The following CD3E variants were observed in gnomAD, a reference collection of about 807,000 sequenced individuals.
CD3E encodes CD3 epsilon subunit of T-cell receptor complex, also known as T-cell surface glycoprotein CD3 epsilon chain.
In CD3E, 16 loss-of-function variants were observed where a neutral mutation model predicts 34.7. The observed-to-expected ratio is 0.46, with a 90% CI of 0.31 to 0.70. The LOEUF (loss-of-function observed/expected upper bound fraction) is 0.70, where lower values mean the gene tolerates loss of function less well. Among genes scored for constraint, CD3E ranks in the 30% least tolerant of loss-of-function variants. The probability of loss-of-function intolerance (pLI) is 0.05; values close to 1 mark genes in which losing one functional copy is unlikely to be tolerated. For missense variants in CD3E, 223 were observed against 253.9 expected, an observed-to-expected ratio of 0.88 and a Z score of 0.83; for synonymous variants, 70 against 90.8, an observed-to-expected ratio of 0.77 and a Z score of 1.30.
rs1014013421 is a variant in CD3E, at chr11:118,314,959, A to G, written c.567+465A>G. On this transcript the variant is annotated intron_variant, in intron 8 of 8. Transcript: ENST00000361763. ...CCCCAACCCACCCTTACACACACAC[A>G]TACACACACACACACACACACACAC... Among the ~76,000 whole-genome samples the G allele has an allele frequency of 7.0e-5, 6 of 85,974 alleles. No individual in the cohort carries two copies. The East Asian group carries it at 2.1e-3, about 31-fold the overall frequency. 56.4% of individuals were successfully genotyped at this position (85,974 alleles called of 152,430 possible).
chr11:118,315,069 C>T (rs1342873470), intron 8 of CD3E, among the ~76,000 whole-genome samples: 1 of 151,858 alleles, frequency 6.6e-6, no homozygotes, highest in Non-Finnish European at 1.5e-5. Context: ...GAGTTAATGC[C>T]TGGCATGGCA....
intron 2 of CD3E, among the ~76,000 whole-genome samples, chr11:118,305,799 A>G (rs1022885734): frequency 1.3e-5 from 2 of 152,230 alleles, no homozygotes; most frequent in African/African-American, 4.8e-5. Flanking sequence ...CTGTGAGACC[A>G]GGACTGTTTG....
rs1270760065 is a variant in CD3E at position 118,313,449 on chromosome 11, A to G, written c.353-258A>G. On this transcript the variant is annotated intron_variant, in intron 6 of 8. Transcript: ENST00000361763. ...AACAGAGGGTTTGTGAGTTGAAAAC[A>G]CATTTCACGCTTCTCACAGCTAGTG... 4 of 511,350 alleles carry G rather than the reference A, an allele frequency of 7.8e-6. No homozygotes were observed. The Admixed American group carries it at 9.5e-5, about 12-fold the overall frequency. The allele number at this position is 511,350 out of a possible 1,614,324, so 31.7% of individuals were successfully genotyped here. A position where few individuals can be genotyped will look rare whatever the true frequency, so the allele number is the denominator to read the frequency against.
In CD3E at chr11:118,304,970, C is replaced by T; in HGVS notation, c.18C>T (p.His6=). ...AAACAAAGATGCAGTCGGGCACTCA[C>T]TGGAGAGTTCTGGGCCTCTGCCTCT... MQSGT[H]WRVLGLCLLS... The change falls in exon 2 of 9, where the codon CAC becomes CAT. Residue 6 remains histidine, a synonymous_variant. Transcript: ENST00000361763. 1.9e-6 allele frequency: 3 copies of T among 1,614,060 alleles called. No homozygotes were observed. Among genetic ancestry groups the T allele is most frequent in the Non-Finnish European group, 1.7e-6 (2 of 1,179,900 alleles).
At chr11:118,314,315 T>G in intron 7 of CD3E, 133 bp from the exon 8 acceptor site, 2 of 749,228 alleles carry the variant, frequency 2.7e-6, no homozygotes, top group Non-Finnish European at 4.8e-6. Context: ...AAAGGACGTC[T>G]GAACAGAAAA....
intron 4 of CD3E, among the ~76,000 whole-genome samples, chr11:118,310,598 T>C (rs556516101): frequency 7.9e-5 from 12 of 152,350 alleles, no homozygotes; most frequent in African/African-American, 2.4e-4. Context: ...GGAGCACATT[T>C]CTGTCTAAGC....
rs552989886 is a variant in CD3E at position 118,313,634 on chromosome 11, T to A, written c.353-73T>A. 41 of 1,425,968 alleles carry A rather than the reference T, an allele frequency of 2.9e-5. No individual in the cohort carries two copies. The African/African-American group carries it at 5.5e-4, about 19-fold the overall frequency. The allele number at this position is 1,425,968 out of a possible 1,614,324, so 88.3% of individuals were successfully genotyped here. On this transcript the variant is annotated intron_variant, in intron 6 of 8. Transcript: ENST00000361763. ...TAAGGGGAGAATGGCCTTCATGCAC[T>A]CCCTCCTCACCTCCAGCGCCTTGTG...
chr11:118,307,274 T>C lies in CD3E; in HGVS notation c.50-14T>C, dbSNP rs748669627. The C allele has an allele frequency of 1.2e-6, 2 of 1,602,998 alleles. No individual in the cohort carries two copies. The highest frequency in any genetic ancestry group is 1.7e-6 in the Non-Finnish European group (2 of 1,170,524). ...ACATTTACTAACACTTTTTTTTTCT[T>C]ATTTATTTTCTAGTTGGCGTTTGGG... On this transcript the variant is annotated splice_polypyrimidine_tract_variant and intron_variant, in intron 2 of 8. Transcript: ENST00000361763.
rs1037136378 is a variant in CD3E, at chr11:118,315,830, C to T, written c.*288C>T. 4 of 555,472 alleles carry T rather than the reference C, an allele frequency of 7.2e-6. No individual in the cohort carries two copies. Among genetic ancestry groups the T allele is most frequent in the Non-Finnish European group, 1.3e-5 (4 of 310,022 alleles). The allele number at this position is 555,472 out of a possible 1,614,324, so 34.4% of individuals were successfully genotyped here. A position where few individuals can be genotyped will look rare whatever the true frequency, so the allele number is the denominator to read the frequency against. ...GATATTTATTTGTGCTATTCACTCC[C>T]TTCCCTTTGGATGTAACTTCTCCGT... On this transcript the variant is annotated 3_prime_UTR_variant, in exon 9 of 9. Transcript: ENST00000361763.
chr11:118,312,220 TG>T, intron 5 of CD3E, 50 bp downstream of exon 5: 1 of 1,515,376 alleles, frequency 6.6e-7, no homozygotes, highest in Non-Finnish European at 9.2e-7. Context: ...TGCAGATTGG[TG>T]GGTAGATGAG....
intron 6 of CD3E, 130 bp downstream of exon 6, chr11:118,312,996 CCTGGGACTCT>C (rs1340452407): frequency 5.0e-6 from 5 of 995,682 alleles, no homozygotes; most frequent in Non-Finnish European, 3.2e-6. Flanking sequence ...CACACTCAAT[CCTGGGACTCT>C]CTGGTACCAC....
chr11:118,306,535 G>T (rs991021375), intron 2 of CD3E, among the ~76,000 whole-genome samples: 1 of 151,042 alleles, frequency 6.6e-6, no homozygotes, highest in Non-Finnish European at 1.5e-5. Context: ...AAAAGAGACA[G>T]TATCAAAGAC....
At chr11:118,313,660 T>G in intron 6 of CD3E, 47 bp from the exon 7 acceptor site, 1 of 1,595,906 alleles carries the variant, frequency 6.3e-7, no homozygotes, top group Non-Finnish European at 8.6e-7. Flanking sequence ...GCGCCTTGTG[T>G]TTTCCTTGCT....
chr11:118,310,132 C>A (rs1948128056), intron 4 of CD3E, among the ~76,000 whole-genome samples: 1 of 152,168 alleles, frequency 6.6e-6, no homozygotes, highest in African/African-American at 2.4e-5. Flanking sequence ...TTTAACTTAA[C>A]TTTCATTTTA....
In CD3E at chr11:118,304,981, TG is replaced by T; in HGVS notation, c.32del (p.Gly11AlafsTer35). On this transcript the variant is annotated frameshift_variant, in exon 2 of 9. Transcript: ENST00000361763. LOFTEE classifies it high-confidence loss of function. MQSGTHWRVLGLCLLSVGVW... is the reference protein window; with the variant it reads MQSGTHWRVXGLCLLSVGVW... ...CAGTCGGGCACTCACTGGAGAGTTCTGGGCCTCTGCCTCTTATCAGGTGAGT... is the reference window on the plus strand; with the variant it reads ...CAGTCGGGCACTCACTGGAGAGTTCTGGCCTCTGCCTCTTATCAGGTGAGT... The T allele has an allele frequency of 6.2e-7, 1 of 1,614,028 alleles. No individual in the cohort carries two copies. The highest frequency in any genetic ancestry group is 8.5e-7 in the Non-Finnish European group (1 of 1,179,870).
At chr11:118,312,038 G>A (rs1948138110) in intron 4 of CD3E, 115 bp from the exon 5 acceptor site, 3 of 870,108 alleles carry the variant, frequency 3.4e-6, no homozygotes, top group African/African-American at 1.6e-5. Flanking sequence ...AAATGGATGA[G>A]ACCCTCTTTG....
rs567840328 is a variant in CD3E, at chr11:118,305,133, G to T, written c.49+132G>T. On this transcript the variant is annotated intron_variant, in intron 2 of 8. Transcript: ENST00000361763. ...TAAGGAACTGTTTGTGCTATGTTAG[G>T]GTGAGGGATTAGAGCTGGGGACTAA... 5.5e-6 allele frequency: 5 copies of T among 909,346 alleles called. No homozygotes were observed. The East Asian group carries it at 1.2e-4, about 22-fold the overall frequency. The allele number at this position is 909,346 out of a possible 1,614,324, so 56.3% of individuals were successfully genotyped here. A position where few individuals can be genotyped will look rare whatever the true frequency, so the allele number is the denominator to read the frequency against.
At chr11:118,312,333 T>G (rs1460740284) in intron 5 of CD3E, 163 bp downstream of exon 5, 2 of 817,542 alleles carry the variant, frequency 2.4e-6, no homozygotes, top group African/African-American at 3.4e-5. Context: ...CTTCTGTGGG[T>G]TTTTCTTTAC....
chr11:118,314,569 C>T (rs1948155210), intron 8 of CD3E, 75 bp downstream of exon 8: 9 of 1,377,548 alleles, frequency 6.5e-6, no homozygotes, highest in Non-Finnish European at 9.2e-6. Flanking sequence ...GATGGGATGG[C>T]CCATCTTGTC....
Sources: allele counts gnomAD v4.1 joint callset (sites outside exome capture counted in the v4.1 genomes callset), GRCh38; gene constraint gnomAD v4.1.1; transcripts MANE v1.5; gene names NCBI Gene and HGNC (gene_info 2026-07-23, HGNC 2026-07-21).